The following CHD2 variants were observed in gnomAD, a reference collection of about 807,000 sequenced individuals.
CHD2 encodes chromodomain helicase DNA binding protein 2.
CHD2 carries 28 observed loss-of-function variants against 243.9 expected under a neutral mutation model. The ratio of observed to expected loss-of-function variants is 0.11; its 90% CI spans 0.09 to 0.16. The LOEUF (loss-of-function observed/expected upper bound fraction) is 0.16. Ranked by LOEUF, CHD2 falls within the 10% of genes least tolerant of loss-of-function variation. The pLI, the probability that CHD2 is intolerant of heterozygous loss-of-function variation, is 1.00. For synonymous variants in CHD2, 775 were observed against 779.0 expected (o/e 0.99, Z 0.09); for missense variants, 1,386 against 2,209.8 (o/e 0.63, Z 7.47).
At chr15:92,984,234 C>G in intron 24 of CHD2, 96 bp from the exon 25 acceptor site, 3 of 897,232 alleles carry the variant, frequency 3.3e-6, no homozygotes, top group Non-Finnish European at 4.6e-6. Context: ...TCCTATTATT[C>G]ACAGTGTCTA....
chr15:93,000,445 T>C, intron 31 of CHD2, 67 bp from the exon 32 acceptor site: 1 of 1,456,086 alleles, frequency 6.9e-7, no homozygotes, highest in Non-Finnish European at 9.3e-7. Flanking sequence ...AGAGTCATCA[T>C]GTTGTTTGGT....
chr15:92,905,093 T>C, intron 2 of CHD2: 1 of 1,203,168 alleles, frequency 8.3e-7, no homozygotes, highest in Admixed American at 2.3e-5. Flanking sequence ...TCAATAACAT[T>C]AAAAAGTGGC....
chr15:92,997,526 G>A lies in CHD2; in HGVS notation c.3885+123G>A, dbSNP rs1623. The A allele has an allele frequency of 3.4e-3, 2,864 of 844,184 alleles. 6 individuals are homozygous for A. The highest frequency in any genetic ancestry group is 6.2e-3 in the Middle Eastern group (17 of 2,736). 52.3% of individuals were successfully genotyped at this position (844,184 alleles called of 1,614,324 possible). A position where few individuals can be genotyped will look rare whatever the true frequency, so the allele number is the denominator to read the frequency against. On this transcript the variant is annotated intron_variant, in intron 30 of 38. Transcript: ENST00000394196. This position sits in a 1 kb window ranked among gnomAD's most constrained non-coding sequence, Gnocchi z 4.1. ...ATTAGAAATTAGTATAGTCATTCTT[G>A]GAAATACTTCCATCTTTAGCAGATT...
chr15:92,988,314 AC>A (rs2054071579), intron 26 of CHD2, among the ~76,000 whole-genome samples: 1 of 152,126 alleles, frequency 6.6e-6, no homozygotes, highest in African/African-American at 2.4e-5. Context: ...TGAACTTCTG[AC>A]CTCAGGTGAT....
intron 5 of CHD2, among the ~76,000 whole-genome samples, chr15:92,932,717 T>C (rs952478263): frequency 1.2e-4 from 18 of 152,170 alleles, no homozygotes; most frequent in African/African-American, 4.3e-4. Flanking sequence ...CTGTGTTCTT[T>C]GCAGAATTAC....
At chr15:92,950,765 A>C (rs2053543560) in intron 13 of CHD2, among the ~76,000 whole-genome samples, 1 of 151,906 alleles carries the variant, frequency 6.6e-6, no homozygotes, top group East Asian at 1.9e-4. Context: ...AAAAAAAAAA[A>C]AGGACAGCTT....
At chr15:93,013,296 G>A (rs1366297611) in intron 36 of CHD2, among the ~76,000 whole-genome samples, 1 of 144,088 alleles carries the variant, frequency 6.9e-6, no homozygotes, top group East Asian at 3.1e-4. Context: ...GTCTATAAAT[G>A]GATAGTCCGG....
Position 92,997,151 on chromosome 15 carries a change from A to T in CHD2, c.3734+56A>T. 6.2e-7 allele frequency: 1 copy of T among 1,604,134 alleles called. No individual in the cohort carries two copies. The highest frequency in any genetic ancestry group is 8.5e-7 in the Non-Finnish European group (1 of 1,176,298). ...GTCGTACCGTAAGAAAATAGATTTG[A>T]AGTTAGACTTTGTGTAGTTCCATAG... On this transcript the variant is annotated intron_variant, in intron 29 of 38. Transcript: ENST00000394196. The surrounding 1 kb of genome is among the most constrained non-coding windows in gnomAD (Gnocchi z 4.1).
At chr15:92,972,127 C>A in intron 18 of CHD2, 138 bp from the exon 19 acceptor site, 1 of 1,038,276 alleles carries the variant, frequency 9.6e-7, no homozygotes, top group Non-Finnish European at 1.4e-6. Flanking sequence ...AAGAACATTT[C>A]GGGAATTGCT....
At chr15:92,996,360 C>T (rs1028276364) in intron 28 of CHD2, among the ~76,000 whole-genome samples, 1 of 151,910 alleles carries the variant, frequency 6.6e-6, no homozygotes, top group Admixed American at 6.6e-5. Context: ...AGGGGTTTCA[C>T]TGTGTTAGCC....
chr15:92,992,744 C>G, intron 27 of CHD2, 115 bp from the exon 28 acceptor site: 1 of 1,312,278 alleles, frequency 7.6e-7, no homozygotes, highest in Non-Finnish European at 1.0e-6. Flanking sequence ...ACTAAAGGAA[C>G]GCAAAGAAAA....
intron 32 of CHD2, among the ~76,000 whole-genome samples, chr15:93,001,892 G>T (rs979490822): frequency 1.3e-5 from 2 of 152,148 alleles, no homozygotes; most frequent in African/African-American, 4.8e-5. Context: ...AATCTCTTTG[G>T]TACTCAGTTT....
chr15:92,985,727 C>T (rs1304155061), intron 26 of CHD2, 54 bp downstream of exon 26: 24 of 1,536,700 alleles, frequency 1.6e-5, no homozygotes, highest in Admixed American at 1.8e-5. Context: ...TACTGTAAGT[C>T]TTGGGTTGAC....
At chr15:92,974,856 T>C in intron 19 of CHD2, 23 bp from the exon 20 acceptor site, 1 of 1,611,100 alleles carries the variant, frequency 6.2e-7, no homozygotes, top group Non-Finnish European at 8.5e-7. Context: ...ATCTTACAGT[T>C]TTCTTGTGGT....
At chr15:93,002,362 A>G (rs368885696) in intron 33 of CHD2, 45 bp downstream of exon 33, 3 of 1,565,982 alleles carry the variant, frequency 1.9e-6, no homozygotes, top group African/African-American at 1.4e-5. Flanking sequence ...AGCCTTTGCA[A>G]TTCGCCATTT....
chr15:93,016,980 A>G (rs1337094411), intron 37 of CHD2, among the ~76,000 whole-genome samples: 1 of 152,204 alleles, frequency 6.6e-6, no homozygotes, highest in Admixed American at 6.5e-5. Context: ...CAACCTTGCT[A>G]CTAGGAAAAT....
At chr15:92,904,522 T>G (rs1033229595) in intron 2 of CHD2, 16 of 996,542 alleles carry the variant, frequency 1.6e-5, no homozygotes, top group African/African-American at 1.4e-4. Context: ...GTTGGGACTT[T>G]CCGGTGGGCG....
chr15:92,918,227 C>G (rs529664482), intron 2 of CHD2, among the ~76,000 whole-genome samples: 1 of 152,312 alleles, frequency 6.6e-6, no homozygotes, highest in East Asian at 1.9e-4. Context: ...TTTTTACCTA[C>G]TTCAGAAAGT....
rs867454870 is a variant in CHD2, at chr15:93,000,425, A to G, written c.4009-87A>G. On this transcript the variant is annotated intron_variant, in intron 31 of 38. Transcript: ENST00000394196. The stretch of plus-strand genomic sequence containing the variant: ...TTCTTGTTTGAATTATATGGCTGCT[A>G]CTGCTTTAAAGAGTCATCATGTTGT... 8 of 1,288,476 alleles carry G rather than the reference A, an allele frequency of 6.2e-6. No individual in the cohort carries two copies. In the Middle Eastern group the frequency reaches 5.9e-4, roughly 96 times the overall value. 79.8% of individuals were successfully genotyped at this position (1,288,476 alleles called of 1,614,324 possible). A position where few individuals can be genotyped will look rare whatever the true frequency, so the allele number is the denominator to read the frequency against.
Sources: gnomAD v4.1 joint callset for allele counts (sites outside exome capture counted in the v4.1 genomes callset) on GRCh38, gnomAD v4.1.1 for gene constraint, Gnocchi (gnomAD v3.1) non-coding constraint, MANE v1.5 for transcripts, NCBI Gene and HGNC (gene_info 2026-07-23, HGNC 2026-07-21) for gene names.